SYNCRIP: variants seen among roughly 807,000 people sequenced by gnomAD.
SYNCRIP encodes the protein synaptotagmin binding cytoplasmic RNA interacting protein, also known as heterogeneous nuclear ribonucleoprotein Q.
In SYNCRIP, 9 loss-of-function variants were observed where a neutral mutation model predicts 68.9. The observed-to-expected ratio is 0.13, with a 90% CI of 0.08 to 0.23. SYNCRIP has a LOEUF of 0.23. Among genes scored for constraint, SYNCRIP ranks in the 10% least tolerant of loss-of-function variants. The pLI, the probability that SYNCRIP is intolerant of heterozygous loss-of-function variation, is 1.00. For synonymous variants in SYNCRIP, 258 were observed against 254.0 expected (o/e 1.02, Z -0.15); for missense variants, 414 against 770.6 (o/e 0.54, Z 5.48).
chr6:85,632,981 G>A (rs187900563), intron 6 of SYNCRIP, among the ~76,000 whole-genome samples: 65 of 150,192 alleles, frequency 4.3e-4, no homozygotes, highest in Admixed American at 1.1e-3. Context: ...GGCCGGGCGC[G>A]GTGGCTCACA....
intron 7 of SYNCRIP, among the ~76,000 whole-genome samples, chr6:85,623,579 A>AAAAAAAAAAAAAACAAAAAAAAAAAAC (rs1554184894): frequency 3.2e-5 from 4 of 125,756 alleles, no homozygotes; most frequent in Admixed American, 8.1e-5. Flanking sequence ...AAAAAAAAAA[A>AAAAAAAAAAAAAACAAAAAAAAAAAAC]AAAACACTCT....
At chr6:85,618,022 T>A (rs1301648789) in intron 10 of SYNCRIP, among the ~76,000 whole-genome samples, 1 of 152,204 alleles carries the variant, frequency 6.6e-6, no homozygotes, top group Non-Finnish European at 1.5e-5. Flanking sequence ...TACTGTGTTA[T>A]AATTTTAATA....
Position 85,614,560 on chromosome 6 carries a change from A to G in SYNCRIP, c.*196T>C. On this transcript the variant is annotated 3_prime_UTR_variant, in exon 11 of 11. Transcript: ENST00000369622. ...TCAGTATCTAAGAATATCTTTATTG[A>G]AAAAAATTAAAAATAAAATCAGTTC... 7.8e-7 allele frequency: 1 copy of G among 1,287,432 alleles called. No individual in the cohort carries two copies. The allele number at this position is 1,287,432 out of a possible 1,614,324, so 79.8% of individuals were successfully genotyped here. A position where few individuals can be genotyped will look rare whatever the true frequency, so the allele number is the denominator to read the frequency against.
chr6:85,631,407 G>C (rs6922388), intron 6 of SYNCRIP, among the ~76,000 whole-genome samples: 2 of 151,270 alleles, frequency 1.3e-5, no homozygotes, highest in Non-Finnish European at 2.9e-5. Flanking sequence ...TTAAAAGGAA[G>C]AGTGGGGAAA....
At chr6:85,612,885 T>C (rs567244634), downstream of SYNCRIP, 86 of 1,550,802 alleles carry the variant, frequency 5.5e-5, 1 homozygote, top group African/African-American at 8.1e-4. Context: ...TCAGTCTTCA[T>C]TGTAACAGGT....
At chr6:85,608,419 C>G (rs914178101) in exon 12 of SYNCRIP, 6 of 151,918 alleles carry the variant, frequency 3.9e-5, no homozygotes, top group African/African-American at 1.4e-4. Context: ...ACATCAGAGG[C>G]AGTACAGATA....
downstream of SYNCRIP, chr6:85,608,278 G>A (rs921707017): frequency 6.6e-6 from 1 of 152,092 alleles, no homozygotes; most frequent in Admixed American, 6.5e-5. Context: ...TAAGTGAAGA[G>A]TGATGAATTG....
At chr6:85,629,595 G>A (rs1266585476) in intron 6 of SYNCRIP, among the ~76,000 whole-genome samples, 3 of 151,286 alleles carry the variant, frequency 2.0e-5, no homozygotes, top group African/African-American at 7.3e-5. Context: ...AGGCCGATGT[G>A]GGCGGATCAC....
intron 7 of SYNCRIP, among the ~76,000 whole-genome samples, chr6:85,623,750 C>A (rs1456694623): frequency 2.0e-5 from 3 of 152,048 alleles, no homozygotes; most frequent in African/African-American, 7.3e-5. Context: ...TGAATTCAAA[C>A]CCTAGCTGTA....
rs1369328362 is a variant in SYNCRIP at position 85,637,330 on chromosome 6, T to C, written c.402A>G (p.Thr134=). 16 of 1,613,056 alleles carry C rather than the reference T, an allele frequency of 9.9e-6. No individual in the cohort carries two copies. The highest frequency in any genetic ancestry group is 1.4e-5 in the Non-Finnish European group (16 of 1,179,828). ...IKALLERTGY[T]LDVTTGQRKY... ...TCCTCTGTCCAGTGGTCACATCAAG[T>C]GTGTAGCCTGTTCTTTCCAAGAGTG... The change falls in exon 5 of 11, where the codon ACA becomes ACG. Residue 134 remains threonine, a synonymous_variant. Transcript: ENST00000369622.
In SYNCRIP at chr6:85,614,330, G is replaced by C. The variant is rs975699055; in HGVS notation, c.*426C>G. On this transcript the variant is annotated 3_prime_UTR_variant, in exon 11 of 11. Coordinates refer to ENST00000369622, the MANE Select transcript of SYNCRIP (RefSeq NM_006372.5). ...GTTCTAAATTAAAAATAGCAGTTGT[G>C]TATCAATTTACCTTATTCTAGCAAT... The C allele has an allele frequency of 5.1e-6, 5 of 987,470 alleles. No homozygotes were observed. Among genetic ancestry groups the C allele is most frequent in the Non-Finnish European group, 6.0e-6 (5 of 831,246 alleles). 61.2% of individuals were successfully genotyped at this position (987,470 alleles called of 1,614,324 possible).
At chr6:85,611,453 TA>T (rs1562066855), downstream of SYNCRIP, 1 of 152,488 alleles carries the variant, frequency 6.6e-6, no homozygotes, top group Non-Finnish European at 1.5e-5. Context: ...AAACCTTAAT[TA>T]AGTATAAGCT....
rs71003001 is a variant in SYNCRIP at position 85,638,380 on chromosome 6, C to CAAAAAAAAAAAAAAA, written c.376-1039_376-1025dup. Among the ~76,000 whole-genome samples, 26 of 42,856 alleles carry CAAAAAAAAAAAAAAA rather than the reference C, an allele frequency of 6.1e-4. 1 individual carries two copies. The highest frequency in any genetic ancestry group is 6.6e-4 in the Non-Finnish European group (17 of 25,780). 28.1% of individuals were successfully genotyped at this position (42,856 alleles called of 152,430 possible). On this transcript the variant is annotated intron_variant, in intron 4 of 10. Transcript: ENST00000369622. Reference sequence around the variant, plus strand: ...TGGATGACAGAGCAAGACCCCATCTCAAAAAAAAAAAAAAAAAAAAAAAAA... The same window carrying CAAAAAAAAAAAAAAA: ...TGGATGACAGAGCAAGACCCCATCTCAAAAAAAAAAAAAAAAAAAAAAAAAAAAAAAAAAAAAAAA...
upstream of SYNCRIP, among the ~76,000 whole-genome samples, chr6:85,643,465 G>T (rs917768427): frequency 6.6e-6 from 1 of 151,932 alleles, no homozygotes; most frequent in Non-Finnish European, 1.5e-5. Context: ...GACGGTGGCG[G>T]CCGAGGGGCC....
At position 85,641,298 on chromosome 6, in the gene SYNCRIP, C is replaced by T. The variant is rs1011500681; in HGVS notation, c.142G>A (p.Val48Ile). ...TGCAAGTGTTAGTTCTTACCTGCAACGTAAATTTCATCTAGTTTTTCAGCA... is the reference window on the plus strand; with the variant it reads ...TGCAAGTGTTAGTTCTTACCTGCAATGTAAATTTCATCTAGTTTTTCAGCA... Reference protein sequence around the residue: ...KVAEKLDEIYVAGLVAHSDLD... With the variant: ...KVAEKLDEIYIAGLVAHSDLD... Residue 48 changes from valine to isoleucine, a missense_variant, in exon 2 of 11, where the codon GTT becomes ATT. Physicochemically the swap from Val to Ile is conservative, Grantham distance 29 (BLOSUM62 3). Around this residue, in one of 6 missense-constraint regions of SYNCRIP, gnomAD observed 51 missense variants for 63.7 expected, o/e 0.80. Coordinates refer to ENST00000369622, the MANE Select transcript of SYNCRIP (RefSeq NM_006372.5). 6.2e-7 allele frequency: 1 copy of T among 1,610,310 alleles called. No homozygotes were observed. Among genetic ancestry groups the T allele is most frequent in the Non-Finnish European group, 8.5e-7 (1 of 1,179,724 alleles).
At chr6:85,612,943 A>C (rs1805356528), downstream of SYNCRIP, 3 of 1,550,260 alleles carry the variant, frequency 1.9e-6, no homozygotes, top group Admixed American at 5.9e-5. Flanking sequence ...TAACAAAAGG[A>C]ATCAGTTAGA....
intron 7 of SYNCRIP, among the ~76,000 whole-genome samples, chr6:85,622,934 T>C (rs1806581791): frequency 1.3e-5 from 2 of 152,252 alleles, no homozygotes; most frequent in Admixed American, 6.5e-5. Context: ...AGGACTACTT[T>C]TGTTTTCACT....
downstream of SYNCRIP, among the ~76,000 whole-genome samples, chr6:85,613,502 C>A (rs1313308383): frequency 6.6e-6 from 1 of 152,050 alleles, no homozygotes; most frequent in Non-Finnish European, 1.5e-5. Flanking sequence ...GTCTGTCCCC[C>A]AAAACTCTAA....
chr6:85,615,295 C>A lies in SYNCRIP; in HGVS notation c.1333G>T (p.Gly445Cys). ...CCACCTCTACCTCCACGCCCTCGAC[C>A]TCTTGTTGGAGGGGGCATATGAGGT... ...GPPHMPPPTR[G>C]RGRGGRGGYG... The change falls in exon 11 of 11, where the codon GGT (glycine) becomes TGT (cysteine). Residue 445 changes from glycine (G) to cysteine (C), a missense_variant. Gly to Cys is a radical substitution (Grantham distance 159). Coordinates refer to ENST00000369622, the MANE Select transcript of SYNCRIP (RefSeq NM_006372.5). 4 of 1,577,008 alleles carry A rather than the reference C, an allele frequency of 2.5e-6. No individual in the cohort carries two copies. The highest frequency in any genetic ancestry group is 3.5e-6 in the Non-Finnish European group (4 of 1,156,740).
Sources: gnomAD v4.1 joint callset for allele counts (sites outside exome capture counted in the v4.1 genomes callset) on GRCh38, gnomAD v4.1.1 for gene constraint, gnomAD v4.1.1 regional missense constraint, MANE v1.5 for transcripts, NCBI Gene and HGNC (gene_info 2026-07-23, HGNC 2026-07-21) for gene names.